RABGAP1L: variants seen among roughly 807,000 people sequenced by gnomAD.
The protein encoded by RABGAP1L is RAB GTPase activating protein 1 like.
RABGAP1L carries 63 observed loss-of-function variants against 137.7 expected under a neutral mutation model. The observed-to-expected ratio is 0.46, with a 90% CI of 0.37 to 0.56. The LOEUF (loss-of-function observed/expected upper bound fraction) is 0.56, where lower values mean the gene tolerates loss of function less well. RABGAP1L is among the 20% of genes least tolerant of loss of function. The pLI, the probability that RABGAP1L is intolerant of heterozygous loss-of-function variation, is 0.00. For missense variants in RABGAP1L, 1,095 were observed against 1,244.0 expected, an observed-to-expected ratio of 0.88 and a Z score of 1.80; for synonymous variants, 431 against 433.7, an observed-to-expected ratio of 0.99 and a Z score of 0.08.
chr1:174,909,385 C>T (rs1659683278), intron 19 of RABGAP1L, among the ~76,000 whole-genome samples: 2 of 152,018 alleles, frequency 1.3e-5, no homozygotes, highest in Non-Finnish European at 2.9e-5. Flanking sequence ...CACCATACAC[C>T]TGACTGATTT....
At chr1:174,226,446 G>C (rs576094884) in intron 3 of RABGAP1L, among the ~76,000 whole-genome samples, 2 of 152,144 alleles carry the variant, frequency 1.3e-5, no homozygotes, top group East Asian at 3.9e-4. Flanking sequence ...ATATTCTGTC[G>C]AAAGTTTTCA....
intron 14 of RABGAP1L, among the ~76,000 whole-genome samples, chr1:174,681,328 G>A (rs1429658169): frequency 6.6e-6 from 1 of 152,158 alleles, no homozygotes; most frequent in East Asian, 1.9e-4. Context: ...ACAGATCATG[G>A]TATATTCATA....
intron 19 of RABGAP1L, among the ~76,000 whole-genome samples, chr1:174,896,339 G>T (rs1657168076): frequency 6.6e-6 from 1 of 152,118 alleles, no homozygotes. Flanking sequence ...CTGGATATTA[G>T]TCCTTTGTCA....
At chr1:174,303,452 G>A (rs1363112035) in intron 10 of RABGAP1L, among the ~76,000 whole-genome samples, 1 of 152,062 alleles carries the variant, frequency 6.6e-6, no homozygotes, top group Non-Finnish European at 1.5e-5. Context: ...TTTGATGATG[G>A]CATGCCATAT....
chr1:174,484,279 G>A (rs1246258159), intron 13 of RABGAP1L, among the ~76,000 whole-genome samples: 3 of 152,162 alleles, frequency 2.0e-5, no homozygotes, highest in African/African-American at 7.2e-5. Flanking sequence ...AGTTGTTTGA[G>A]AACCTTATAG....
chr1:174,343,586 T>C (rs1649978385), intron 11 of RABGAP1L, among the ~76,000 whole-genome samples: 1 of 152,198 alleles, frequency 6.6e-6, no homozygotes, highest in South Asian at 2.1e-4. Context: ...GTAGCCTATA[T>C]GCTGTAAAAC....
Position 174,830,207 on chromosome 1 carries a change from G to A in RABGAP1L, c.2340+18247G>A, listed in dbSNP as rs749144468. On this transcript the variant is annotated intron_variant, in intron 19 of 25. Transcript: ENST00000681986. ...ATACCACAAGGGAAAGGGATACCAG[G>A]AGTCATGACTGATTAGAAGCCATTC... Among the ~76,000 whole-genome samples, 25 of 147,394 alleles carry A rather than the reference G, an allele frequency of 1.7e-4. 3 individuals are homozygous for A. The highest frequency in any genetic ancestry group is 4.8e-4 in the Admixed American group (7 of 14,712).
At chr1:174,183,290 G>T (rs1426106324) in intron 1 of RABGAP1L, among the ~76,000 whole-genome samples, 3 of 152,150 alleles carry the variant, frequency 2.0e-5, no homozygotes, top group African/African-American at 7.2e-5. Context: ...CCCAGGCCCT[G>T]CCGTGGTGAA....
chr1:174,364,598 G>A (rs972920400), intron 11 of RABGAP1L, among the ~76,000 whole-genome samples: 1 of 152,098 alleles, frequency 6.6e-6, no homozygotes, highest in Non-Finnish European at 1.5e-5. Context: ...ATATGTCTAG[G>A]AATTTATTAA....
At chr1:174,587,544 G>C (rs1342271699) in intron 13 of RABGAP1L, among the ~76,000 whole-genome samples, 2 of 151,908 alleles carry the variant, frequency 1.3e-5, no homozygotes, top group Non-Finnish European at 2.9e-5. Flanking sequence ...TAATCAAAGA[G>C]AGAGCAAGAA....
chr1:174,762,677 A>T (rs1685319118), intron 18 of RABGAP1L, among the ~76,000 whole-genome samples: 1 of 152,124 alleles, frequency 6.6e-6, no homozygotes, highest in South Asian at 2.1e-4. Context: ...TAGGCACTTA[A>T]ATATTTATTG....
In RABGAP1L at chr1:174,877,351, T is replaced by C. The variant is rs1254209193; in HGVS notation, c.2340+65391T>C. 3 of 1,410,288 alleles carry C rather than the reference T, an allele frequency of 2.1e-6. No homozygotes were observed. In the South Asian group the frequency reaches 3.7e-5, roughly 17 times the overall value. The allele number at this position is 1,410,288 out of a possible 1,614,324, so 87.4% of individuals were successfully genotyped here. On this transcript the variant is annotated intron_variant, in intron 19 of 25. Coordinates refer to ENST00000681986, the MANE Select transcript of RABGAP1L (RefSeq NM_001366446.1). Reference sequence around the variant, plus strand: ...GCCGCTTTTTTTTTCTTTCTCTTTCTTTCTTTCTGGATTTTTGACACTCCA... The same window carrying C: ...GCCGCTTTTTTTTTCTTTCTCTTTCCTTCTTTCTGGATTTTTGACACTCCA...
At chr1:174,434,932 C>T (rs564765091) in intron 13 of RABGAP1L, among the ~76,000 whole-genome samples, 1 of 152,182 alleles carries the variant, frequency 6.6e-6, no homozygotes, top group East Asian at 1.9e-4. Context: ...TGCTGATTTT[C>T]TTAATGATGT....
intron 14 of RABGAP1L, among the ~76,000 whole-genome samples, chr1:174,666,289 A>G (rs1676779326): frequency 6.6e-6 from 1 of 152,246 alleles, no homozygotes; most frequent in African/African-American, 2.4e-5. Flanking sequence ...GTTATAGATG[A>G]AACAGTTTGT....
At chr1:174,237,954 G>A (rs1229641403) in intron 4 of RABGAP1L, among the ~76,000 whole-genome samples, 2 of 150,378 alleles carry the variant, frequency 1.3e-5, no homozygotes, top group East Asian at 3.9e-4. Context: ...ATATTTCTTG[G>A]AGGCTTTGCT....
At chr1:174,480,339 T>A (rs1249422663) in intron 13 of RABGAP1L, among the ~76,000 whole-genome samples, 1 of 152,250 alleles carries the variant, frequency 6.6e-6, no homozygotes, top group Non-Finnish European at 1.5e-5. Flanking sequence ...TTAGGATTAA[T>A]CCATCATCTG....
intron 25 of RABGAP1L, 35 bp downstream of exon 25, chr1:174,988,873 TAAAC>T: frequency 2.0e-6 from 3 of 1,507,434 alleles, no homozygotes; most frequent in Non-Finnish European, 2.7e-6. Context: ...GAAGAAAGAA[TAAAC>T]AATTAATGGT....
intron 18 of RABGAP1L, among the ~76,000 whole-genome samples, chr1:174,797,485 G>T (rs1688330920): frequency 6.8e-6 from 1 of 147,266 alleles, no homozygotes; most frequent in South Asian, 2.2e-4. Flanking sequence ...TGTTGGGGGG[G>T]TGTGTGTGTG....
chr1:174,539,504 C>T (rs1665181463), intron 13 of RABGAP1L, among the ~76,000 whole-genome samples: 1 of 152,176 alleles, frequency 6.6e-6, no homozygotes, highest in African/African-American at 2.4e-5. Context: ...CAAGTGTTCT[C>T]ATTGTTCAAT....
Sources: allele counts gnomAD v4.1 joint callset (sites outside exome capture counted in the v4.1 genomes callset), GRCh38; gene constraint gnomAD v4.1.1; transcripts MANE v1.5; gene names NCBI Gene and HGNC (gene_info 2026-07-23, HGNC 2026-07-21).